TAFA4: variants seen among roughly 807,000 people sequenced by gnomAD.
TAFA4 encodes the protein TAFA chemokine like family member 4.
TAFA4 carries 20 observed loss-of-function variants against 21.1 expected under a neutral mutation model. The observed-to-expected ratio is 0.95, with a 90% confidence interval of 0.67 to 1.38. TAFA4 has a LOEUF of 1.38. TAFA4 is among the 40% of genes most tolerant of loss of function. The pLI is 0.00. For synonymous variants in TAFA4, 71 were observed against 67.4 expected (o/e 1.05, Z -0.26); for missense variants, 211 against 180.9 (o/e 1.17, Z -0.95).
intron 3 of TAFA4, among the ~76,000 whole-genome samples, chr3:68,779,802 G>A (rs144267640): frequency 0.027 from 4,102 of 152,296 alleles, 77 homozygotes; most frequent in Non-Finnish European, 0.043. Context: ...TGTGGGGTTG[G>A]AGCCCCCACA....
chr3:68,881,217 C>G (rs1172265556), intron 2 of TAFA4, among the ~76,000 whole-genome samples: 1 of 152,100 alleles, frequency 6.6e-6, no homozygotes, highest in African/African-American at 2.4e-5. Context: ...TTTTCTGGAT[C>G]TGAAAGAATC....
chr3:68,772,255 A>T (rs1274167649), intron 3 of TAFA4, among the ~76,000 whole-genome samples: 1 of 152,214 alleles, frequency 6.6e-6, no homozygotes, highest in Non-Finnish European at 1.5e-5. Context: ...ATATTAAGGC[A>T]TGTGTGACGG....
At chr3:68,753,121 CTATGCT>C in intron 3 of TAFA4, 103 bp from the exon 4 acceptor site, 6 of 1,007,350 alleles carry the variant, frequency 6.0e-6, no homozygotes, top group Non-Finnish European at 8.9e-6. Flanking sequence ...ACTTCCTGTG[CTATGCT>C]TATGAGTCTT....
At chr3:68,811,666 G>A (rs912981774) in intron 3 of TAFA4, among the ~76,000 whole-genome samples, 1 of 152,148 alleles carries the variant, frequency 6.6e-6, no homozygotes, top group Non-Finnish European at 1.5e-5. Context: ...AAGAAATATG[G>A]GACTATGTGA....
chr3:68,889,374 C>T (rs2089708775), intron 1 of TAFA4, among the ~76,000 whole-genome samples: 1 of 152,154 alleles, frequency 6.6e-6, no homozygotes, highest in South Asian at 2.1e-4. Flanking sequence ...CCATGTTACA[C>T]AAGAAAGAAT....
chr3:68,895,865 A>G (rs2089783635), intron 1 of TAFA4, among the ~76,000 whole-genome samples: 1 of 152,222 alleles, frequency 6.6e-6, no homozygotes, highest in Admixed American at 6.5e-5. Flanking sequence ...ATTACAGAGA[A>G]AACAAAAGTG....
intron 3 of TAFA4, among the ~76,000 whole-genome samples, chr3:68,840,488 A>G (rs923510): frequency 0.31 from 46,806 of 151,846 alleles, 7,570 homozygotes; most frequent in Non-Finnish European, 0.37. Context: ...AATTGCTGGG[A>G]CTGCAGGTGT....
intron 1 of TAFA4, among the ~76,000 whole-genome samples, chr3:68,919,781 A>G (rs900455066): frequency 2.6e-5 from 4 of 152,206 alleles, no homozygotes; most frequent in African/African-American, 9.6e-5. Flanking sequence ...GATAATGTCT[A>G]GGACTTGACC....
intron 3 of TAFA4, among the ~76,000 whole-genome samples, chr3:68,813,809 C>T (rs1176498998): frequency 1.3e-5 from 2 of 152,086 alleles, no homozygotes; most frequent in Non-Finnish European, 2.9e-5. Flanking sequence ...CTCCCTAACT[C>T]ATTTTATGAG....
At chr3:68,847,234 AGAG>A (rs1220425061) in intron 3 of TAFA4, among the ~76,000 whole-genome samples, 3 of 152,190 alleles carry the variant, frequency 2.0e-5, no homozygotes, top group Non-Finnish European at 4.4e-5. Context: ...AGGAATCTAG[AGAG>A]GAAGTCTGCT....
chr3:68,812,200 G>T (rs1703856882), intron 3 of TAFA4, among the ~76,000 whole-genome samples: 1 of 152,178 alleles, frequency 6.6e-6, no homozygotes, highest in African/African-American at 2.4e-5. Context: ...GGGACAACAG[G>T]TACCAGCTAC....
intron 3 of TAFA4, among the ~76,000 whole-genome samples, chr3:68,802,786 T>C (rs1047554866): frequency 1.3e-5 from 2 of 152,204 alleles, no homozygotes; most frequent in African/African-American, 2.4e-5. Flanking sequence ...ATCCGAGAAA[T>C]CACCTTAGCT....
At chr3:68,814,422 T>C (rs1703914736) in intron 3 of TAFA4, among the ~76,000 whole-genome samples, 1 of 152,138 alleles carries the variant, frequency 6.6e-6, no homozygotes, top group African/African-American at 2.4e-5. Context: ...AAAACGCCAT[T>C]GTCTCAGCCC....
chr3:68,884,855 A>C (rs1370276189), intron 2 of TAFA4, among the ~76,000 whole-genome samples: 3 of 152,252 alleles, frequency 2.0e-5, no homozygotes, highest in African/African-American at 4.8e-5. Flanking sequence ...GTATTCACTT[A>C]ACAATAGCTC....
chr3:68,829,517 C>G (rs898870097), intron 3 of TAFA4, among the ~76,000 whole-genome samples: 1 of 152,184 alleles, frequency 6.6e-6, no homozygotes. Flanking sequence ...GTTGAACCAG[C>G]CTTGCATCCC....
At chr3:68,917,813 T>G (rs1166085164) in intron 1 of TAFA4, among the ~76,000 whole-genome samples, 2 of 143,072 alleles carry the variant, frequency 1.4e-5, no homozygotes, top group African/African-American at 5.3e-5. Flanking sequence ...TAGAACCAAG[T>G]GGGAAGGTAG....
intron 3 of TAFA4, among the ~76,000 whole-genome samples, chr3:68,788,407 GA>G (rs1703301247): frequency 6.6e-6 from 1 of 152,144 alleles, no homozygotes; most frequent in African/African-American, 2.4e-5. Context: ...CTTTTTCGGA[GA>G]GGTCATTTCT....
intron 1 of TAFA4, among the ~76,000 whole-genome samples, chr3:68,907,286 C>T (rs1325892770): frequency 1.3e-5 from 2 of 152,064 alleles, no homozygotes; most frequent in East Asian, 3.9e-4. Flanking sequence ...AGATATGCAC[C>T]AACTGTCATT....
rs1704287061 is a variant in TAFA4 at position 68,827,779 on chromosome 3, T to G, written c.130+52951A>C. 2.6e-5 allele frequency among the ~76,000 whole-genome samples: 4 copies of G among 152,224 alleles called. No homozygotes were observed. In the South Asian group the frequency reaches 8.3e-4, roughly 32 times the overall value. ...TTAAGTTCTTTGTAGATTCTGGATA[T>G]TAGCCCTTGTCAGATGAGCAGATTG... On this transcript the variant is annotated intron_variant, in intron 3 of 5. Transcript: ENST00000295569.
Sources: allele counts gnomAD v4.1 joint callset (sites outside exome capture counted in the v4.1 genomes callset), GRCh38; gene constraint gnomAD v4.1.1; transcripts MANE v1.5; gene names NCBI Gene and HGNC (gene_info 2026-07-23, HGNC 2026-07-21).